NTRK2: variants seen among roughly 807,000 people sequenced by gnomAD.
The protein encoded by NTRK2 is neurotrophic receptor tyrosine kinase 2, also known as BDNF/NT-3 growth factors receptor.
Under a neutral mutation model 94.5 loss-of-function variants are expected in NTRK2, and 13 were observed. That is an observed-to-expected ratio of 0.14 (90% CI 0.09 to 0.22). NTRK2 has a LOEUF of 0.22. Ranked by LOEUF, NTRK2 falls within the 10% of genes least tolerant of loss-of-function variation. The pLI is 1.00. For synonymous variants in NTRK2, 372 were observed against 407.4 expected, an observed-to-expected ratio of 0.91 and a Z score of 1.05; for missense variants, 639 against 1,071.2, an observed-to-expected ratio of 0.60 and a Z score of 5.63.
At position 85,025,751 on chromosome 9, in the gene NTRK2, T is replaced by G. The variant is rs1383861177; in HGVS notation, c.*4314T>G. The G allele has an allele frequency of 4.3e-6, 1 of 233,088 alleles. No homozygotes were observed. The highest frequency in any genetic ancestry group is 8.5e-6 in the Non-Finnish European group (1 of 118,014). 14.4% of individuals were successfully genotyped at this position (233,088 alleles called of 1,614,324 possible). On this transcript the variant is annotated 3_prime_UTR_variant, in exon 19 of 19. Transcript: ENST00000277120. ...GACCTTTGGTTTGGCCATATATCACTGTTATAGGAAATCTCATGAGAGGAA... is the reference window on the plus strand; with the variant it reads ...GACCTTTGGTTTGGCCATATATCACGGTTATAGGAAATCTCATGAGAGGAA...
rs138723472 is a variant in NTRK2 at position 84,928,958 on chromosome 9, T to C, written c.1634-5204T>C. 6.8e-3 allele frequency among the ~76,000 whole-genome samples: 1,038 copies of C among 152,314 alleles called. 16 individuals are homozygous for C. The highest frequency in any genetic ancestry group is 0.024 in the African/African-American group (1,005 of 41,564). On this transcript the variant is annotated intron_variant, in intron 14 of 18. Transcript: ENST00000277120. ...AATAAATGTCTCTGTTGAAAGTCCA[T>C]ATGTTTAGTGGAATAAGTCCACTGG...
chr9:84,731,163 G>A (rs374647176), intron 9 of NTRK2, among the ~76,000 whole-genome samples: 1 of 152,118 alleles, frequency 6.6e-6, no homozygotes, highest in African/African-American at 2.4e-5. Context: ...GCTCGGGCGC[G>A]CTGGCTCATG....
chr9:85,018,180 C>T (rs970273581), intron 17 of NTRK2, among the ~76,000 whole-genome samples: 3 of 152,134 alleles, frequency 2.0e-5, no homozygotes, highest in African/African-American at 7.2e-5. Context: ...GGAGCAATTT[C>T]ATCATCTGTA....
intron 12 of NTRK2, among the ~76,000 whole-genome samples, chr9:84,818,714 A>G (rs2072587310): frequency 6.6e-6 from 1 of 152,298 alleles, no homozygotes; most frequent in South Asian, 2.1e-4. Context: ...GAACTTTAGT[A>G]CTTCCCATTC....
chr9:84,809,433 C>T (rs999067713), intron 12 of NTRK2, among the ~76,000 whole-genome samples: 1 of 148,064 alleles, frequency 6.8e-6, no homozygotes, highest in South Asian at 2.1e-4. Flanking sequence ...TATACATATA[C>T]TATATGTCTT....
chr9:84,930,884 C>T (rs919294569), intron 14 of NTRK2, among the ~76,000 whole-genome samples: 13 of 152,172 alleles, frequency 8.5e-5, no homozygotes, highest in African/African-American at 2.9e-4. Context: ...ATGTTCTTCC[C>T]ACTGCTGCCA....
intron 2 of NTRK2, among the ~76,000 whole-genome samples, chr9:84,698,754 ATTG>A (rs2131641510): frequency 6.6e-6 from 1 of 152,310 alleles, no homozygotes; most frequent in African/African-American, 2.4e-5. Context: ...ATAATATGTC[ATTG>A]TTATTTTAAT....
At chr9:84,882,719 T>TGTGTGCGCGCGCGCGCGCGCGC in intron 14 of NTRK2, among the ~76,000 whole-genome samples, 1 of 145,742 alleles carries the variant, frequency 6.9e-6, no homozygotes, top group African/African-American at 2.6e-5. Flanking sequence ...TGTGTGTGTG[T>TGTGTGCGCGCGCGCGCGCGCGC]GCGCGCGCGC....
At chr9:84,860,303 T>TGGCTTTATTCACGGGA (rs2075270698) in intron 12 of NTRK2, among the ~76,000 whole-genome samples, 1 of 152,180 alleles carries the variant, frequency 6.6e-6, no homozygotes, top group Admixed American at 6.5e-5. Flanking sequence ...CATTTCACTG[T>TGGCTTTATTCACGGGA]GGCTTTATTC....
intron 9 of NTRK2, among the ~76,000 whole-genome samples, chr9:84,738,279 G>A (rs576287053): frequency 3.3e-5 from 5 of 151,592 alleles, no homozygotes; most frequent in Admixed American, 3.3e-4. Flanking sequence ...GTCAGATACA[G>A]CTTCTTTGTC....
At chr9:84,778,675 T>A (rs1209061439) in intron 12 of NTRK2, among the ~76,000 whole-genome samples, 3 of 152,180 alleles carry the variant, frequency 2.0e-5, no homozygotes, top group Non-Finnish European at 2.9e-5. Flanking sequence ...GACAGCAACA[T>A]TTTCCCAGAG....
chr9:84,724,235 C>CCA lies in NTRK2; in HGVS notation c.739_740dup (p.Gln247HisfsTer5), dbSNP rs2062283653. 6.2e-7 allele frequency: 1 copy of CCA among 1,613,944 alleles called. No homozygotes were observed. The highest frequency in any genetic ancestry group is 1.7e-5 in the Admixed American group (1 of 59,994). On this transcript the variant is annotated frameshift_variant, in exon 8 of 19. Transcript: ENST00000277120. LOFTEE classifies it high-confidence loss of function. The stretch of plus-strand genomic sequence containing the variant: ...TAATTCATTTGTAGAATGAAACAAG[C>CCA]CACACACAGGGCTCCTTAAGGATAA...
At chr9:84,709,048 A>T (rs1038718060) in intron 5 of NTRK2, among the ~76,000 whole-genome samples, 1 of 152,262 alleles carries the variant, frequency 6.6e-6, no homozygotes, top group African/African-American at 2.4e-5. Context: ...ATATTTAATC[A>T]ATTAATTCAA....
At chr9:84,699,615 T>C (rs1393306583) in intron 2 of NTRK2, among the ~76,000 whole-genome samples, 2 of 152,016 alleles carry the variant, frequency 1.3e-5, no homozygotes, top group Non-Finnish European at 2.9e-5. Flanking sequence ...ATCTCCTTCT[T>C]TCTTGGACAC....
rs1255452242 is a variant in NTRK2 at position 84,715,590 on chromosome 9, A to G, written c.583+4799A>G. ...TTGCAAGGCAAGAGAACATTTTCAT[A>G]TAACATTTCCACATTAATTGGAATA... On this transcript the variant is annotated intron_variant, in intron 6 of 18. Transcript: ENST00000277120. Among the ~76,000 whole-genome samples the G allele has an allele frequency of 3.9e-5, 6 of 152,214 alleles. No homozygotes were observed. In the East Asian group the frequency reaches 7.7e-4, roughly 20 times the overall value.
At chr9:84,898,236 G>C (rs2076818271) in intron 14 of NTRK2, among the ~76,000 whole-genome samples, 1 of 152,136 alleles carries the variant, frequency 6.6e-6, no homozygotes, top group African/African-American at 2.4e-5. Flanking sequence ...TCTCTGTCAG[G>C]ACAGTCCTTC....
At chr9:84,741,746 A>G (rs1219428428) in intron 9 of NTRK2, 146 bp from the exon 10 acceptor site, 2 of 678,858 alleles carry the variant, frequency 2.9e-6, no homozygotes, top group Non-Finnish European at 5.2e-6. Context: ...TCAAGAACTT[A>G]AAGTTTTGTT....
chr9:84,989,047 C>T lies in NTRK2; in HGVS notation c.2173-31159C>T, dbSNP rs143034291. 1.1e-3 allele frequency among the ~76,000 whole-genome samples: 160 copies of T among 152,262 alleles called. 1 individual carries two copies. In the East Asian group the frequency reaches 0.023, roughly 22 times the overall value. On this transcript the variant is annotated intron_variant, in intron 17 of 18. Transcript: ENST00000277120. The stretch of plus-strand genomic sequence containing the variant: ...CCTCATCTTCCAAATGCAAATATCC[C>T]GAATCAGAGAACACAGGTTACTCAG...
At chr9:84,927,526 A>G (rs1295693530) in intron 14 of NTRK2, among the ~76,000 whole-genome samples, 2 of 152,046 alleles carry the variant, frequency 1.3e-5, no homozygotes, top group African/African-American at 4.8e-5. Context: ...AAGTTTATTG[A>G]ACTAAATTGT....
Sources: gnomAD v4.1 joint callset for allele counts (sites outside exome capture counted in the v4.1 genomes callset) on GRCh38, gnomAD v4.1.1 for gene constraint, MANE v1.5 for transcripts, NCBI Gene and HGNC (gene_info 2026-07-23, HGNC 2026-07-21) for gene names.